The following SPAG16 variants were observed in gnomAD, a reference collection of about 807,000 sequenced individuals.
SPAG16 encodes the protein sperm associated antigen 16.
A neutral mutation model predicts 80.4 loss-of-function variants in SPAG16; 86 were observed. The observed-to-expected ratio is 1.07, with a 90% CI of 0.90 to 1.28. The LOEUF (loss-of-function observed/expected upper bound fraction) is 1.28, where lower values mean the gene tolerates loss of function less well. Ranked by LOEUF, SPAG16 falls within the 50% of genes most tolerant of loss-of-function variation. The pLI, the probability that SPAG16 is intolerant of heterozygous loss-of-function variation, is 0.00. For missense variants in SPAG16, 870 were observed against 765.3 expected, an observed-to-expected ratio of 1.14 and a Z score of -1.61; for synonymous variants, 294 against 265.9, an observed-to-expected ratio of 1.11 and a Z score of -1.03.
chr2:214,225,950 CT>C (rs1323299353), intron 15 of SPAG16, among the ~76,000 whole-genome samples: 1 of 152,122 alleles, frequency 6.6e-6, no homozygotes, highest in Non-Finnish European at 1.5e-5. Flanking sequence ...GGTATCTTTT[CT>C]TCCTGGCTAG....
At position 213,850,795 on chromosome 2, in the gene SPAG16, T is replaced by G. The variant is rs547000685; in HGVS notation, c.1071-11690T>G. ...GTCAGTGGTGACTTAGGAAACATTA[T>G]TAGGCTGCTTATTTGCTTATATGTT... On this transcript the variant is annotated intron_variant, in intron 10 of 15. Transcript: ENST00000331683. 2.6e-5 allele frequency among the ~76,000 whole-genome samples: 4 copies of G among 152,270 alleles called. No homozygotes were observed. The South Asian group carries it at 6.2e-4, about 24-fold the overall frequency.
rs557233575 is a variant in SPAG16 at position 214,257,318 on chromosome 2, A to G, written c.1720+108052A>G. ...CTTAGGATCTTCTTCATAAGCAATC[A>G]TGGTATCTGCAAGCAGAATTTTCTT... On this transcript the variant is annotated intron_variant, in intron 15 of 15. Transcript: ENST00000331683. 2.4e-4 allele frequency among the ~76,000 whole-genome samples: 36 copies of G among 152,096 alleles called. No individual in the cohort carries two copies. In the South Asian group the frequency reaches 7.3e-3, roughly 31 times the overall value.
In SPAG16 at chr2:213,356,585, G is replaced by T. The variant is rs564531311; in HGVS notation, c.762+5940G>T. On this transcript the variant is annotated intron_variant, in intron 7 of 15. Coordinates refer to ENST00000331683, the MANE Select transcript of SPAG16 (RefSeq NM_024532.5). The stretch of plus-strand genomic sequence containing the variant: ...GGTAGTTTGTATTTCTATGGGATCG[G>T]TGGGGATATCCCCTTTATCATTTTT... Among the ~76,000 whole-genome samples, 335 of 152,300 alleles carry T rather than the reference G, an allele frequency of 2.2e-3. 2 individuals carry two copies. The highest frequency in any genetic ancestry group is 7.4e-3 in the African/African-American group (306 of 41,556).
intron 13 of SPAG16, among the ~76,000 whole-genome samples, chr2:214,077,851 G>A (rs961831889): frequency 6.6e-6 from 1 of 152,198 alleles, no homozygotes; most frequent in Non-Finnish European, 1.5e-5. Context: ...AATCCTGTAT[G>A]GCAAAGGATA....
chr2:213,898,431 T>C (rs2077080760), intron 11 of SPAG16, among the ~76,000 whole-genome samples: 2 of 152,256 alleles, frequency 1.3e-5, no homozygotes, highest in South Asian at 4.1e-4. Flanking sequence ...GTATATCTGA[T>C]CTATAGAGAC....
chr2:214,108,048 T>A, intron 13 of SPAG16, 148 bp from the exon 14 acceptor site: 1 of 590,300 alleles, frequency 1.7e-6, no homozygotes, highest in South Asian at 2.3e-5. Context: ...TAGTAGTTGA[T>A]AGCAAAAGCT....
rs79714211 is a variant in SPAG16 at position 214,120,687 on chromosome 2, G to A, written c.1593+12426G>A. ...GAGAAATAAAATATCCACAGGCACC[G>A]CTTCTCAATCTACTGTGCTGGATCC... On this transcript the variant is annotated intron_variant, in intron 14 of 15. Coordinates refer to ENST00000331683, the MANE Select transcript of SPAG16 (RefSeq NM_024532.5). Among the ~76,000 whole-genome samples, 986 of 151,852 alleles carry A rather than the reference G, an allele frequency of 6.5e-3. 10 individuals are homozygous for A. The highest frequency in any genetic ancestry group is 0.023 in the African/African-American group (937 of 41,508).
intron 5 of SPAG16, among the ~76,000 whole-genome samples, chr2:213,329,232 G>C (rs1337839893): frequency 6.6e-6 from 1 of 152,186 alleles, no homozygotes; most frequent in Non-Finnish European, 1.5e-5. Context: ...CTTTAGAACT[G>C]GGTAACAGGC....
At chr2:213,377,903 A>ATATT (rs1232783678) in intron 9 of SPAG16, among the ~76,000 whole-genome samples, 2 of 20,732 alleles carry the variant, frequency 9.6e-5, no homozygotes, top group African/African-American at 3.7e-4. Context: ...ATATATATAT[A>ATATT]TTTTTTTTTT....
At chr2:214,319,386 A>T (rs1695941422) in intron 15 of SPAG16, among the ~76,000 whole-genome samples, 1 of 151,962 alleles carries the variant, frequency 6.6e-6, no homozygotes, top group Non-Finnish European at 1.5e-5. Flanking sequence ...CAGAGACATT[A>T]ATGTGGTTGG....
At chr2:214,072,617 A>G (rs1180911260) in intron 13 of SPAG16, among the ~76,000 whole-genome samples, 1 of 152,170 alleles carries the variant, frequency 6.6e-6, no homozygotes, top group Non-Finnish European at 1.5e-5. Flanking sequence ...GAGTTTGAAG[A>G]TAGAAATGTA....
At chr2:213,552,112 A>G (rs1400637584) in intron 10 of SPAG16, among the ~76,000 whole-genome samples, 3 of 152,230 alleles carry the variant, frequency 2.0e-5, no homozygotes, top group Admixed American at 2.0e-4. Context: ...TGGTCCTATC[A>G]GAAGCTTATT....
intron 15 of SPAG16, among the ~76,000 whole-genome samples, chr2:214,180,509 G>T (rs2057277244): frequency 6.6e-6 from 1 of 151,542 alleles, no homozygotes; most frequent in Non-Finnish European, 1.5e-5. Flanking sequence ...GCTATAAATA[G>T]ATAATAATTT....
chr2:214,260,357 ATTT>A (rs533601945), intron 15 of SPAG16, among the ~76,000 whole-genome samples: 1 of 146,982 alleles, frequency 6.8e-6, no homozygotes, highest in Admixed American at 6.8e-5. Flanking sequence ...AGAATATCTA[ATTT>A]TTTTTTTTTC....
intron 9 of SPAG16, among the ~76,000 whole-genome samples, chr2:213,426,320 T>G (rs907874165): frequency 6.6e-6 from 1 of 152,034 alleles, no homozygotes; most frequent in Non-Finnish European, 1.5e-5. Flanking sequence ...TGGATTTTTT[T>G]GTATTTTTAT....
intron 15 of SPAG16, among the ~76,000 whole-genome samples, chr2:214,353,278 T>C (rs1698545440): frequency 6.6e-6 from 1 of 151,330 alleles, no homozygotes; most frequent in Non-Finnish European, 1.5e-5. Flanking sequence ...ACTAAATATA[T>C]ATAAAATTAC....
At chr2:213,339,889 T>A (rs2064583584) in intron 5 of SPAG16, among the ~76,000 whole-genome samples, 1 of 152,188 alleles carries the variant, frequency 6.6e-6, no homozygotes, top group Admixed American at 6.5e-5. Flanking sequence ...TTGGACATGT[T>A]CTGGCAGCAT....
At chr2:214,310,816 T>G (rs1323666554) in intron 15 of SPAG16, among the ~76,000 whole-genome samples, 1 of 152,164 alleles carries the variant, frequency 6.6e-6, no homozygotes, top group Non-Finnish European at 1.5e-5. Flanking sequence ...ACTGATGAAA[T>G]GACCTTTCAG....
intron 9 of SPAG16, among the ~76,000 whole-genome samples, chr2:213,379,745 T>G (rs2067068899): frequency 6.6e-6 from 1 of 152,138 alleles, no homozygotes; most frequent in Non-Finnish European, 1.5e-5. Flanking sequence ...TCAGTGTTGG[T>G]CTCTGCTGCT....
Sources: gnomAD v4.1 joint callset for allele counts (sites outside exome capture counted in the v4.1 genomes callset) on GRCh38, gnomAD v4.1.1 for gene constraint, MANE v1.5 for transcripts, NCBI Gene and HGNC (gene_info 2026-07-23, HGNC 2026-07-21) for gene names.